The following PDE2A variants were observed in gnomAD, a reference collection of about 807,000 sequenced individuals.
PDE2A encodes phosphodiesterase 2A, also known as cGMP-dependent 3',5'-cyclic phosphodiesterase.
In PDE2A, 53 loss-of-function variants were observed where a neutral mutation model predicts 133.6. The observed-to-expected ratio is 0.40, with a 90% confidence interval of 0.32 to 0.50. The LOEUF (loss-of-function observed/expected upper bound fraction) is 0.50. PDE2A is among the 20% of genes least tolerant of loss of function. The probability of loss-of-function intolerance (pLI) is 0.73; values close to 1 mark genes in which losing one functional copy is unlikely to be tolerated. For missense variants in PDE2A, 796 were observed against 1,232.4 expected, an observed-to-expected ratio of 0.65 and a Z score of 5.30; for synonymous variants, 491 against 490.2, an observed-to-expected ratio of 1.00 and a Z score of -0.02.
At chr11:72,654,580 A>G (rs753705633) in intron 1 of PDE2A, among the ~76,000 whole-genome samples, 16 of 151,708 alleles carry the variant, frequency 1.1e-4, no homozygotes, top group Non-Finnish European at 2.1e-4. Flanking sequence ...TCCTAGCACC[A>G]GACATCTCTC....
chr11:72,588,138 G>A (rs907851), intron 13 of PDE2A, among the ~76,000 whole-genome samples: 25,705 of 152,140 alleles, frequency 0.17, 2,937 homozygotes, highest in East Asian at 0.49. Context: ...CTCATCAGAC[G>A]CAGCACTGTT....
intron 2 of PDE2A, chr11:72,631,258 G>A: frequency 2.8e-6 from 2 of 710,518 alleles, no homozygotes; most frequent in East Asian, 2.9e-5. Context: ...AGGGAGCCTT[G>A]CCTGCTTGCA....
chr11:72,623,260 A>C (rs910413041), intron 2 of PDE2A, among the ~76,000 whole-genome samples: 3 of 151,930 alleles, frequency 2.0e-5, no homozygotes, highest in African/African-American at 7.3e-5. Flanking sequence ...GTGGGCCAGC[A>C]CCATCCACAC....
chr11:72,578,617 A>G lies in PDE2A; in HGVS notation c.2470-103T>C. On this transcript the variant is annotated intron_variant, in intron 28 of 30. Coordinates refer to ENST00000334456, the MANE Select transcript of PDE2A (RefSeq NM_002599.5). This position sits in a 1 kb window ranked among gnomAD's most constrained non-coding sequence, Gnocchi z 4.2. ...AGAGAAAACTGAGGCCCAGGGATTC[A>G]GTCCCAGCTCAGGAGCCGTCCCCAC... The G allele has an allele frequency of 9.6e-7, 1 of 1,045,080 alleles. No individual in the cohort carries two copies. 64.7% of individuals were successfully genotyped at this position (1,045,080 alleles called of 1,614,324 possible). A position where few individuals can be genotyped will look rare whatever the true frequency, so the allele number is the denominator to read the frequency against.
chr11:72,581,015 A>T (rs373566311), intron 23 of PDE2A, 42 bp from the exon 24 acceptor site: 45 of 1,336,434 alleles, frequency 3.4e-5, no homozygotes, highest in Non-Finnish European at 4.7e-5. Context: ...AGGTCAGCCC[A>T]CAGTTCCCTC....
At chr11:72,612,236 A>G (rs1857238144) in intron 2 of PDE2A, among the ~76,000 whole-genome samples, 1 of 151,384 alleles carries the variant, frequency 6.6e-6, no homozygotes, top group Non-Finnish European at 1.5e-5. Context: ...CATATATTCA[A>G]TGCATATACA....
At chr11:72,606,950 C>T (rs983739420) in intron 3 of PDE2A, among the ~76,000 whole-genome samples, 5 of 152,184 alleles carry the variant, frequency 3.3e-5, no homozygotes, top group African/African-American at 4.8e-5. Flanking sequence ...CATCTGCATT[C>T]GGGGCTGCCT....
chr11:72,598,941 C>G (rs1856608673), intron 4 of PDE2A: 2 of 985,390 alleles, frequency 2.0e-6, no homozygotes, highest in Non-Finnish European at 2.4e-6. Flanking sequence ...GCCAGTCACC[C>G]CGGGAAGGAG....
At chr11:72,662,664 C>G (rs928028922) in intron 1 of PDE2A, among the ~76,000 whole-genome samples, 17 of 152,234 alleles carry the variant, frequency 1.1e-4, no homozygotes, top group African/African-American at 4.1e-4. Context: ...CATTGGTGGG[C>G]AGACACTGAG....
At chr11:72,659,089 G>A (rs1029760138) in intron 1 of PDE2A, among the ~76,000 whole-genome samples, 1 of 151,812 alleles carries the variant, frequency 6.6e-6, no homozygotes, top group South Asian at 2.1e-4. Context: ...TGGAGGAGAC[G>A]GCAAAGCTTC....
At chr11:72,624,278 T>C (rs459886) in intron 2 of PDE2A, among the ~76,000 whole-genome samples, 99,757 of 152,052 alleles carry the variant, frequency 0.66, 33,067 homozygotes, top group Middle Eastern at 0.78. Context: ...CCACTGCATC[T>C]GGCCAGAGCA....
chr11:72,598,969 G>A (rs769323784), intron 4 of PDE2A: 9 of 985,402 alleles, frequency 9.1e-6, no homozygotes, highest in Non-Finnish European at 1.1e-5. Context: ...TAGGGTGGCA[G>A]GAGGGCAACG....
chr11:72,591,646 G>A (rs1466297715), intron 6 of PDE2A, among the ~76,000 whole-genome samples: 1 of 152,146 alleles, frequency 6.6e-6, no homozygotes, highest in African/African-American at 2.4e-5. Flanking sequence ...GGGGATGGAG[G>A]GACCTTAGAC....
At position 72,578,676 on chromosome 11, in the gene PDE2A, A is replaced by C. The variant is rs1855574016; in HGVS notation, c.2470-162T>G. On this transcript the variant is annotated intron_variant, in intron 28 of 30. Coordinates refer to ENST00000334456, the MANE Select transcript of PDE2A (RefSeq NM_002599.5). The surrounding 1 kb of genome is among the most constrained non-coding windows in gnomAD (Gnocchi z 4.2). ...GCTTGGCAGTGGGATGGCCTGAGGCAGGGAGTGGCTGGGTTGGGGCCCACC... is the reference window on the plus strand; with the variant it reads ...GCTTGGCAGTGGGATGGCCTGAGGCCGGGAGTGGCTGGGTTGGGGCCCACC... 6.6e-6 allele frequency among the ~76,000 whole-genome samples: 1 copy of C among 152,208 alleles called. No individual in the cohort carries two copies. Among genetic ancestry groups the C allele is most frequent in the African/African-American group, 2.4e-5 (1 of 41,462 alleles).
intron 1 of PDE2A, among the ~76,000 whole-genome samples, chr11:72,655,347 A>AGACAGCTTGGGGACAATGAGCTTGG (rs57956369): frequency 6.6e-6 from 1 of 151,768 alleles, no homozygotes; most frequent in African/African-American, 2.4e-5. Context: ...AGCCAGGGTG[A>AGACAGCTTGGGGACAATGAGCTTGG]GGCAGCCTGG....
At chr11:72,645,722 G>A (rs1016414662) in intron 1 of PDE2A, among the ~76,000 whole-genome samples, 1 of 152,248 alleles carries the variant, frequency 6.6e-6, no homozygotes, top group East Asian at 1.9e-4. Flanking sequence ...GTCCCATGGA[G>A]GTGAGGGCCA....
chr11:72,611,602 G>A (rs903168913), intron 2 of PDE2A, among the ~76,000 whole-genome samples: 4 of 152,216 alleles, frequency 2.6e-5, no homozygotes, highest in Admixed American at 6.5e-5. Context: ...GAAAGTTGGG[G>A]AGAGTTGGGG....
chr11:72,615,829 CTG>C (rs1192637605), intron 2 of PDE2A, among the ~76,000 whole-genome samples: 1 of 152,204 alleles, frequency 6.6e-6, no homozygotes, highest in Non-Finnish European at 1.5e-5. Flanking sequence ...TTTGGGCACA[CTG>C]TGAATCAGAG....
chr11:72,579,733 G>A, intron 25 of PDE2A, 125 bp from the exon 26 acceptor site: 1 of 662,524 alleles, frequency 1.5e-6, no homozygotes. Flanking sequence ...GTCAGAAAGG[G>A]GGAGTCAGGG....
Sources: gnomAD v4.1 joint callset for allele counts (sites outside exome capture counted in the v4.1 genomes callset) on GRCh38, gnomAD v4.1.1 for gene constraint, Gnocchi (gnomAD v3.1) non-coding constraint, MANE v1.5 for transcripts, NCBI Gene and HGNC (gene_info 2026-07-23, HGNC 2026-07-21) for gene names.